The following TMTC2 variants were observed in gnomAD, a reference collection of about 807,000 sequenced individuals.
The protein encoded by TMTC2 is transmembrane O-mannosyltransferase targeting cadherins 2, also known as protein O-mannosyl-transferase TMTC2.
TMTC2 carries 43 observed loss-of-function variants against 82.4 expected under a neutral mutation model. The observed-to-expected ratio is 0.52, with a 90% CI of 0.41 to 0.67. The LOEUF is 0.67. Among genes scored for constraint, TMTC2 ranks in the 30% least tolerant of loss-of-function variants. The pLI, the probability that TMTC2 is intolerant of heterozygous loss-of-function variation, is 0.00. For synonymous variants in TMTC2, 408 were observed against 381.9 expected (o/e 1.07, Z -0.80); for missense variants, 919 against 1,012.4 (o/e 0.91, Z 1.25).
chr12:83,080,623 GT>G (rs1883433745), intron 11 of TMTC2, among the ~76,000 whole-genome samples: 1 of 152,126 alleles, frequency 6.6e-6, no homozygotes, highest in Admixed American at 6.5e-5. Context: ...AGGCAGCCGG[GT>G]TTTTGAACCT....
chr12:82,959,439 A>G (rs1287086597), intron 4 of TMTC2, among the ~76,000 whole-genome samples: 1 of 152,102 alleles, frequency 6.6e-6, no homozygotes, highest in African/African-American at 2.4e-5. Flanking sequence ...TAAGGCTGCC[A>G]TAACCAAAAC....
intron 11 of TMTC2, among the ~76,000 whole-genome samples, chr12:83,130,963 A>G (rs887934347): frequency 6.6e-6 from 1 of 151,838 alleles, no homozygotes; most frequent in Non-Finnish European, 1.5e-5. Flanking sequence ...TAGCTATTCT[A>G]CTCTCCCCTG....
intron 11 of TMTC2, among the ~76,000 whole-genome samples, chr12:83,083,394 T>C (rs1360242787): frequency 1.3e-5 from 2 of 152,186 alleles, no homozygotes; most frequent in Non-Finnish European, 2.9e-5. Flanking sequence ...CCTGCTCAAA[T>C]AGCATCTCCT....
chr12:82,955,220 T>C (rs1354056801), intron 4 of TMTC2, among the ~76,000 whole-genome samples: 7 of 152,174 alleles, frequency 4.6e-5, no homozygotes, highest in African/African-American at 1.2e-4. Flanking sequence ...CCCCAAGTTG[T>C]GACAAGCATA....
chr12:82,937,650 T>C (rs948442839), intron 4 of TMTC2, among the ~76,000 whole-genome samples: 9 of 149,318 alleles, frequency 6.0e-5, no homozygotes, highest in African/African-American at 2.2e-4. Flanking sequence ...AGTGAAAGAG[T>C]GGGACAGGTA....
chr12:82,836,668 G>A (rs1320560660), intron 1 of TMTC2, among the ~76,000 whole-genome samples: 1 of 152,130 alleles, frequency 6.6e-6, no homozygotes, highest in Non-Finnish European at 1.5e-5. Flanking sequence ...TAATAAATTT[G>A]TGTTTGTTTA....
Position 83,021,163 on chromosome 12 carries a change from G to A in TMTC2, c.2071-9635G>A, listed in dbSNP as rs1592698828. On this transcript the variant is annotated intron_variant, in intron 8 of 11. Coordinates refer to ENST00000321196, the MANE Select transcript of TMTC2 (RefSeq NM_152588.3). ...TTGCTTTTCCCATTTTCCCCCCTTG[G>A]CATTCTTGCAAGTCTTTTTCTTTTG... Among the ~76,000 whole-genome samples, 3 of 152,006 alleles carry A rather than the reference G, an allele frequency of 2.0e-5. 1 individual carries two copies. In the South Asian group the frequency reaches 6.3e-4, roughly 32 times the overall value.
chr12:83,031,114 T>C (rs1320616377), intron 9 of TMTC2, among the ~76,000 whole-genome samples: 1 of 152,170 alleles, frequency 6.6e-6, no homozygotes, highest in Non-Finnish European at 1.5e-5. Flanking sequence ...CATTACACAG[T>C]TGTTTTTTTT....
chr12:82,975,540 A>G (rs1592668748), intron 7 of TMTC2, among the ~76,000 whole-genome samples: 1 of 152,320 alleles, frequency 6.6e-6, no homozygotes, highest in East Asian at 1.9e-4. Flanking sequence ...GTGGATTATT[A>G]TAGAATCTTA....
chr12:83,087,484 A>G (rs376343466), intron 11 of TMTC2, among the ~76,000 whole-genome samples: 2 of 152,352 alleles, frequency 1.3e-5, no homozygotes, highest in South Asian at 4.1e-4. Flanking sequence ...GCCCAGATCC[A>G]TCAGAGGAAT....
intron 4 of TMTC2, among the ~76,000 whole-genome samples, chr12:82,961,654 T>G (rs1877940740): frequency 2.0e-5 from 3 of 152,046 alleles, no homozygotes; most frequent in African/African-American, 7.2e-5. Context: ...TAACTCTTTT[T>G]ACTGTGGGGT....
chr12:82,788,669 G>T (rs1878303653), intron 1 of TMTC2, among the ~76,000 whole-genome samples: 1 of 152,028 alleles, frequency 6.6e-6, no homozygotes, highest in Non-Finnish European at 1.5e-5. Flanking sequence ...TCATGTTCAG[G>T]AGCTAATGTC....
rs189400936 is a variant in TMTC2 at position 82,843,109 on chromosome 12, C to T, written c.84-13901C>T. Among the ~76,000 whole-genome samples the T allele has an allele frequency of 2.3e-3, 340 of 145,248 alleles. 2 individuals are homozygous for T. Among genetic ancestry groups the T allele is most frequent in the African/African-American group, 9.4e-3 (330 of 34,938 alleles). On this transcript the variant is annotated intron_variant, in intron 1 of 11. Transcript: ENST00000321196. ...GACCCTAATAGTCTCGAGTAGGACT[C>T]TTAATTTCTTTCTTTCTTTTTTTTT...
chr12:82,957,379 A>G (rs1247692335), intron 4 of TMTC2, among the ~76,000 whole-genome samples: 1 of 152,212 alleles, frequency 6.6e-6, no homozygotes, highest in Admixed American at 6.5e-5. Context: ...GATACAGCAA[A>G]AGCCGTGTTA....
chr12:82,803,573 C>T (rs958006476), intron 1 of TMTC2, among the ~76,000 whole-genome samples: 12 of 151,960 alleles, frequency 7.9e-5, no homozygotes, highest in Non-Finnish European at 1.8e-4. Flanking sequence ...CTTGGGCATG[C>T]GCATTAAGAG....
chr12:83,089,794 C>T (rs1592739334), intron 11 of TMTC2, among the ~76,000 whole-genome samples: 1 of 148,732 alleles, frequency 6.7e-6, no homozygotes, highest in Non-Finnish European at 1.5e-5. Flanking sequence ...GACTCAGGGT[C>T]TTCAGTCATG....
At chr12:82,891,377 C>T (rs183886117) in intron 2 of TMTC2, among the ~76,000 whole-genome samples, 4 of 152,236 alleles carry the variant, frequency 2.6e-5, no homozygotes, top group East Asian at 3.9e-4. Context: ...GACGGGGCCT[C>T]GGCTCACTGC....
intron 11 of TMTC2, among the ~76,000 whole-genome samples, chr12:83,095,469 T>G (rs1883996901): frequency 6.6e-6 from 1 of 152,104 alleles, no homozygotes; most frequent in African/African-American, 2.4e-5. Flanking sequence ...CTTGGTCTCC[T>G]GACCTCATGA....
intron 8 of TMTC2, among the ~76,000 whole-genome samples, chr12:83,019,099 C>G (rs1880802294): frequency 6.6e-6 from 1 of 152,046 alleles, no homozygotes; most frequent in African/African-American, 2.4e-5. Flanking sequence ...CCATAGTTGG[C>G]AAGTTATCTA....
Sources: gnomAD v4.1 joint callset for allele counts (sites outside exome capture counted in the v4.1 genomes callset) on GRCh38, gnomAD v4.1.1 for gene constraint, MANE v1.5 for transcripts, NCBI Gene and HGNC (gene_info 2026-07-23, HGNC 2026-07-21) for gene names.